MAST4: variants seen among roughly 807,000 people sequenced by gnomAD.
The protein encoded by MAST4 is microtubule-associated serine/threonine-protein kinase 4.
MAST4 carries 89 observed loss-of-function variants against 162.7 expected under a neutral mutation model. The observed-to-expected ratio is 0.55, with a 90% confidence interval of 0.46 to 0.65. The LOEUF (loss-of-function observed/expected upper bound fraction) is 0.65, where lower values mean the gene tolerates loss of function less well. Among genes scored for constraint, MAST4 ranks in the 30% least tolerant of loss-of-function variants. The pLI is 0.00. For missense variants in MAST4, 3,153 were observed against 3,374.0 expected (o/e 0.93, Z 1.62); for synonymous variants, 1,479 against 1,361.1 (o/e 1.09, Z -1.91).
intron 4 of MAST4, among the ~76,000 whole-genome samples, chr5:66,960,676 C>T (rs776828676): frequency 6.6e-6 from 1 of 152,172 alleles, no homozygotes; most frequent in Non-Finnish European, 1.5e-5. Flanking sequence ...TGGTTGTTTT[C>T]TTTGGACTTA....
At chr5:66,889,160 G>A (rs189491281) in intron 3 of MAST4, among the ~76,000 whole-genome samples, 30 of 152,240 alleles carry the variant, frequency 2.0e-4, no homozygotes, top group Admixed American at 1.6e-3. Flanking sequence ...TCAATACTTC[G>A]AATTTACTGT....
intron 3 of MAST4, among the ~76,000 whole-genome samples, chr5:66,794,725 A>G (rs533526825): frequency 3.3e-5 from 5 of 152,244 alleles, no homozygotes; most frequent in Admixed American, 2.0e-4. Flanking sequence ...TTCAAATGCT[A>G]TATTTTAACT....
At chr5:67,154,988 TAC>T (rs1178072062) in intron 26 of MAST4, among the ~76,000 whole-genome samples, 1 of 152,216 alleles carries the variant, frequency 6.6e-6, no homozygotes. Flanking sequence ...GAATGCTGTT[TAC>T]ACAGTGTTTT....
chr5:66,946,621 G>A (rs1744058569), intron 4 of MAST4, among the ~76,000 whole-genome samples: 1 of 152,110 alleles, frequency 6.6e-6, no homozygotes, highest in Non-Finnish European at 1.5e-5. Context: ...GGTTGTCATG[G>A]GTTTTGCCAA....
chr5:66,764,556 G>A (rs1754000166), intron 2 of MAST4, among the ~76,000 whole-genome samples: 1 of 151,886 alleles, frequency 6.6e-6, no homozygotes, highest in Non-Finnish European at 1.5e-5. Context: ...CTATTATATG[G>A]TAATGTCTAG....
At chr5:66,882,202 G>A (rs1363275365) in intron 3 of MAST4, among the ~76,000 whole-genome samples, 1 of 152,022 alleles carries the variant, frequency 6.6e-6, no homozygotes, top group Non-Finnish European at 1.5e-5. Context: ...CCTCTGATGC[G>A]CCCAAGTGTG....
chr5:67,167,913 A>G lies in MAST4; in HGVS notation c.*862A>G, dbSNP rs930356999. On this transcript the variant is annotated 3_prime_UTR_variant, in exon 29 of 29. Coordinates refer to ENST00000403625, the MANE Select transcript of MAST4 (RefSeq NM_001164664.2). ...GAGCGGGGACTATAAACACACATCA[A>G]CTTTCTTTCTGTTTGCTTTCTTTTC... 3 of 152,166 alleles carry G rather than the reference A, an allele frequency of 2.0e-5. No individual in the cohort carries two copies. The highest frequency in any genetic ancestry group is 7.2e-5 in the African/African-American group (3 of 41,422). The allele number at this position is 152,166 out of a possible 1,614,324, so 9.4% of individuals were successfully genotyped here.
intron 1 of MAST4, among the ~76,000 whole-genome samples, chr5:66,701,101 A>C (rs1439094747): frequency 6.6e-6 from 1 of 152,148 alleles, no homozygotes; most frequent in Non-Finnish European, 1.5e-5. Context: ...ATTGGTTATC[A>C]TTACTATTTT....
chr5:66,845,126 T>TATATATATATATATATATATACATACAC (rs1358855625), intron 3 of MAST4, among the ~76,000 whole-genome samples: 1 of 67,172 alleles, frequency 1.5e-5, no homozygotes, highest in African/African-American at 5.6e-5. Flanking sequence ...TATATATATA[T>TATATATATATATATATATATACATACAC]ACACACACAC....
chr5:66,853,850 C>A (rs1416450638), intron 3 of MAST4, among the ~76,000 whole-genome samples: 1 of 152,054 alleles, frequency 6.6e-6, no homozygotes, highest in African/African-American at 2.4e-5. Context: ...CTTTAAGTAT[C>A]TTGCATCAAA....
intron 4 of MAST4, among the ~76,000 whole-genome samples, chr5:66,997,433 CT>C (rs35005578): frequency 0.014 from 1,953 of 134,912 alleles, 15 homozygotes; most frequent in African/African-American, 0.017. Context: ...TTTCTTTTCT[CT>C]TTTTTTTTTT....
At chr5:66,597,064 C>T (rs1742228752) in intron 1 of MAST4, 46 bp downstream of exon 1, 1 of 1,370,558 alleles carries the variant, frequency 7.3e-7, no homozygotes. Flanking sequence ...GGCAGCCGGG[C>T]GACCGTAGTT....
At chr5:66,881,577 A>G (rs1481355869) in intron 3 of MAST4, among the ~76,000 whole-genome samples, 1 of 152,240 alleles carries the variant, frequency 6.6e-6, no homozygotes, top group Admixed American at 6.5e-5. Context: ...ACTTTAAAAA[A>G]TCGGTGAATT....
intron 4 of MAST4, among the ~76,000 whole-genome samples, chr5:67,007,978 T>C (rs558989585): frequency 8.5e-5 from 13 of 152,322 alleles, no homozygotes; most frequent in African/African-American, 3.1e-4. Flanking sequence ...CCAAGGACAG[T>C]ATATTATGCC....
At chr5:66,725,312 A>G (rs1390982632) in intron 1 of MAST4, among the ~76,000 whole-genome samples, 4 of 152,296 alleles carry the variant, frequency 2.6e-5, no homozygotes, top group African/African-American at 7.2e-5. Flanking sequence ...ACACATGCAT[A>G]GTTTATCCTT....
At chr5:66,679,544 T>TGA (rs147345864) in intron 1 of MAST4, among the ~76,000 whole-genome samples, 4,011 of 152,218 alleles carry the variant, frequency 0.026, 189 homozygotes, top group African/African-American at 0.092. Context: ...GGAGACCTGG[T>TGA]GAGATTTTTC....
chr5:67,074,740 G>A (rs1761398676), intron 5 of MAST4, among the ~76,000 whole-genome samples: 1 of 152,156 alleles, frequency 6.6e-6, no homozygotes, highest in Non-Finnish European at 1.5e-5. Context: ...GTATATACGT[G>A]TATACACTGT....
At chr5:66,855,930 G>C (rs893758511) in intron 3 of MAST4, among the ~76,000 whole-genome samples, 9 of 152,176 alleles carry the variant, frequency 5.9e-5, no homozygotes, top group Non-Finnish European at 1.3e-4. Context: ...GGGAGGCTGA[G>C]TTGGGAGGAT....
In MAST4 at chr5:67,014,955, A is replaced by G. The variant is rs185088359; in HGVS notation, c.675-39449A>G. 2.3e-4 allele frequency among the ~76,000 whole-genome samples: 35 copies of G among 152,310 alleles called. No homozygotes were observed. The East Asian group carries it at 6.6e-3, about 29-fold the overall frequency. ...TCAGATCTAGGGTGATTTAGAGGTCAAAGAGAACAGATACTGAACTGGTTA... is the reference window on the plus strand; with the variant it reads ...TCAGATCTAGGGTGATTTAGAGGTCGAAGAGAACAGATACTGAACTGGTTA... On this transcript the variant is annotated intron_variant, in intron 4 of 28. Transcript: ENST00000403625.
Sources: allele counts gnomAD v4.1 joint callset (sites outside exome capture counted in the v4.1 genomes callset), GRCh38; gene constraint gnomAD v4.1.1; transcripts MANE v1.5; gene names NCBI Gene and HGNC (gene_info 2026-07-23, HGNC 2026-07-21).